MCCC2: variants seen among roughly 807,000 people sequenced by gnomAD.
MCCC2 encodes methylcrotonoyl-CoA carboxylase beta chain, mitochondrial.
In MCCC2, 52 loss-of-function variants were observed where a neutral mutation model predicts 77.2. The ratio of observed to expected loss-of-function variants is 0.67; its 90% CI spans 0.54 to 0.85. The LOEUF (loss-of-function observed/expected upper bound fraction) is 0.85, where lower values mean the gene tolerates loss of function less well. Ranked by LOEUF, MCCC2 falls within the 40% of genes least tolerant of loss-of-function variation. MCCC2 has a pLI of 0.00. For synonymous variants in MCCC2, 253 were observed against 248.4 expected, an observed-to-expected ratio of 1.02 and a Z score of -0.18; for missense variants, 682 against 703.2, an observed-to-expected ratio of 0.97 and a Z score of 0.34.
intron 7 of MCCC2, among the ~76,000 whole-genome samples, chr5:71,629,146 G>A (rs957690219): frequency 1.3e-5 from 2 of 151,806 alleles, no homozygotes; most frequent in Non-Finnish European, 2.9e-5. Flanking sequence ...GGAGGTTGCA[G>A]TGGGTTGAGA....
At chr5:71,593,956 G>A (rs1030235993) in intron 2 of MCCC2, among the ~76,000 whole-genome samples, 1 of 152,148 alleles carries the variant, frequency 6.6e-6, no homozygotes, top group African/African-American at 2.4e-5. Context: ...TTTAGAGACA[G>A]GGTCTCCTCA....
At chr5:71,602,710 C>T in intron 5 of MCCC2, 77 bp downstream of exon 5, 1 of 1,589,330 alleles carries the variant, frequency 6.3e-7, no homozygotes, top group Non-Finnish European at 8.6e-7. Flanking sequence ...GTATGTATTA[C>T]ATTTGGGATG....
At position 71,632,182 on chromosome 5, in the gene MCCC2, G is replaced by A; in HGVS notation, c.800G>A (p.Cys267Tyr). 1 of 1,613,988 alleles carries A rather than the reference G, an allele frequency of 6.2e-7. No homozygotes were observed. Among genetic ancestry groups the A allele is most frequent in the Non-Finnish European group, 8.5e-7 (1 of 1,179,878 alleles). ...GATCTTGGAGGTGCTGATCTTCATT[G>A]CAGGTGAAACAGAAATGGTTGTTTC... ...AEDLGGADLH[C>Y]RKSGVSDHWA... Residue 267 changes from cysteine (C) to tyrosine (Y), a missense_variant, in exon 8 of 17, where the codon TGC (cysteine) becomes TAC (tyrosine). By Grantham distance (194) the Cys-to-Tyr change is radical. Transcript: ENST00000340941.
chr5:71,596,480 T>C (rs1233296827), intron 3 of MCCC2, 116 bp downstream of exon 3: 3 of 951,436 alleles, frequency 3.2e-6, no homozygotes, highest in Non-Finnish European at 5.1e-6. Context: ...TTCAGGAACA[T>C]GTGTTTATTG....
rs561799337 is a variant in MCCC2 at position 71,642,481 on chromosome 5, C to T, written c.1073-1338C>T. 2.0e-5 allele frequency among the ~76,000 whole-genome samples: 3 copies of T among 152,340 alleles called. No individual in the cohort carries two copies. In the East Asian group the frequency reaches 5.8e-4, roughly 29 times the overall value. On this transcript the variant is annotated intron_variant, in intron 11 of 16. Transcript: ENST00000340941. ...TGATCAGGCAGTTGGTGAAGACCGT[C>T]CCTCTATGGGTGTCCCTAGTAGTGT...
At chr5:71,609,000 A>G (rs1276374713) in intron 6 of MCCC2, among the ~76,000 whole-genome samples, 2 of 151,536 alleles carry the variant, frequency 1.3e-5, no homozygotes, top group African/African-American at 4.8e-5. Flanking sequence ...TGCCCTTAAC[A>G]TTTTTTCCTT....
At chr5:71,625,443 T>C (rs1746503405) in intron 6 of MCCC2, among the ~76,000 whole-genome samples, 1 of 152,250 alleles carries the variant, frequency 6.6e-6, no homozygotes, top group Admixed American at 6.5e-5. Flanking sequence ...CATTTTGTTA[T>C]CTTTGCCACA....
Position 71,632,144 on chromosome 5 carries a change from A to C in MCCC2, c.762A>C (p.Glu254Asp). Residue 254 changes from glutamate (E) to aspartate (D), a missense_variant, in exon 8 of 17, where the codon GAA becomes GAC. Physicochemically the swap from Glu to Asp is conservative, Grantham distance 45 (BLOSUM62 2). Coordinates refer to ENST00000340941, the MANE Select transcript of MCCC2 (RefSeq NM_022132.5). ...AGGTTAAAGCGGCAACTGGGGAAGA[A>C]GTATCTGCTGAGGATCTTGGAGGTG... ...PPLVKAATGEEVSAEDLGGAD... is the reference protein window; with the variant it reads ...PPLVKAATGEDVSAEDLGGAD... 1 of 1,614,216 alleles carries C rather than the reference A, an allele frequency of 6.2e-7. No homozygotes were observed. Among genetic ancestry groups the C allele is most frequent in the Admixed American group, 1.7e-5 (1 of 60,026 alleles).
chr5:71,638,543 C>T (rs145908644), intron 10 of MCCC2, among the ~76,000 whole-genome samples: 226 of 151,938 alleles, frequency 1.5e-3, no homozygotes, highest in African/African-American at 5.0e-3. Context: ...TTTTTTGAGA[C>T]GGAGTCTCGC....
In MCCC2 at chr5:71,621,914, C is replaced by T. The variant is rs72759487; in HGVS notation, c.625-4726C>T. Among the ~76,000 whole-genome samples the T allele has an allele frequency of 3.5e-3, 527 of 152,226 alleles. 1 individual carries two copies. The highest frequency in any genetic ancestry group is 6.1e-3 in the Non-Finnish European group (416 of 67,996). Reference sequence around the variant, plus strand: ...AAGTATGTAATTGGATTGTTTACAACTCAATGGATAAATGCTTGAGGGGAT... The same window carrying T: ...AAGTATGTAATTGGATTGTTTACAATTCAATGGATAAATGCTTGAGGGGAT... On this transcript the variant is annotated intron_variant, in intron 6 of 16. Transcript: ENST00000340941.
At chr5:71,639,559 A>T (rs1322679866) in intron 10 of MCCC2, among the ~76,000 whole-genome samples, 1 of 152,170 alleles carries the variant, frequency 6.6e-6, no homozygotes, top group African/African-American at 2.4e-5. Flanking sequence ...AGACTACTCA[A>T]ACCTTCTCCA....
intron 16 of MCCC2, among the ~76,000 whole-genome samples, 179 bp from the exon 17 acceptor site, chr5:71,656,564 C>A (rs1329095194): frequency 6.6e-6 from 1 of 152,144 alleles, no homozygotes; most frequent in Admixed American, 6.5e-5. Flanking sequence ...TCATTTTTTT[C>A]CACGTTTTCC....
At chr5:71,638,643 C>T (rs1302517349) in intron 10 of MCCC2, among the ~76,000 whole-genome samples, 1 of 152,142 alleles carries the variant, frequency 6.6e-6, no homozygotes, top group Non-Finnish European at 1.5e-5. Context: ...GCCTCAGCCT[C>T]CCAAGTAGCT....
chr5:71,656,905 C>T lies in MCCC2; in HGVS notation c.*45C>T. On this transcript the variant is annotated 3_prime_UTR_variant, in exon 17 of 17. Transcript: ENST00000340941. ...CTGTTGGACATGTACTGAAAATTAA[C>T]ACATGTAGTAGCCTTAAAATTTTAG... 7.0e-7 allele frequency: 1 copy of T among 1,438,172 alleles called. No individual in the cohort carries two copies. The highest frequency in any genetic ancestry group is 9.8e-7 in the Non-Finnish European group (1 of 1,020,144). The allele number at this position is 1,438,172 out of a possible 1,614,324, so 89.1% of individuals were successfully genotyped here.
intron 10 of MCCC2, 178 bp downstream of exon 10, chr5:71,635,424 A>AT: frequency 1.4e-6 from 1 of 706,194 alleles, no homozygotes; most frequent in South Asian, 1.5e-5. Context: ...TCATTGGCAC[A>AT]GAGTAAATAC....
In MCCC2 at chr5:71,588,632, G is replaced by A. The variant is rs564298805; in HGVS notation, c.129+1078G>A. On this transcript the variant is annotated intron_variant, in intron 1 of 16. Transcript: ENST00000340941. The stretch of plus-strand genomic sequence containing the variant: ...ACTGTGGTACAGTGTAAGAAGGGTT[G>A]TCTAAAGCTTGAGAAGGTGGTTACA... Among the ~76,000 whole-genome samples, 4 of 152,314 alleles carry A rather than the reference G, an allele frequency of 2.6e-5. No homozygotes were observed. The South Asian group carries it at 6.2e-4, about 24-fold the overall frequency.
At chr5:71,605,420 G>C (rs1179023863) in intron 6 of MCCC2, among the ~76,000 whole-genome samples, 1 of 152,044 alleles carries the variant, frequency 6.6e-6, no homozygotes, top group Non-Finnish European at 1.5e-5. Flanking sequence ...CCCACTTTTT[G>C]ATGGGGTTGT....
At chr5:71,627,115 A>G (rs1746554861) in intron 7 of MCCC2, among the ~76,000 whole-genome samples, 1 of 152,224 alleles carries the variant, frequency 6.6e-6, no homozygotes, top group African/African-American at 2.4e-5. Flanking sequence ...TGATAGACGT[A>G]TTTCACTTAG....
In MCCC2 at chr5:71,657,052, G is replaced by C. The variant is rs1449644742; in HGVS notation, c.*192G>C. On this transcript the variant is annotated 3_prime_UTR_variant, in exon 17 of 17. Transcript: ENST00000340941. ...CATCAATTCCTTTTAAATTTTCTTA[G>C]AGAAATTTCTCTGTGGCTCAGTTTT... is the stretch of plus-strand genomic sequence containing the variant. The C allele has an allele frequency of 3.8e-6, 2 of 530,076 alleles. No homozygotes were observed. The highest frequency in any genetic ancestry group is 6.8e-6 in the Non-Finnish European group (2 of 295,118). 32.8% of individuals were successfully genotyped at this position (530,076 alleles called of 1,614,324 possible). A position where few individuals can be genotyped will look rare whatever the true frequency, so the allele number is the denominator to read the frequency against.
Sources: gnomAD v4.1 joint callset for allele counts (sites outside exome capture counted in the v4.1 genomes callset) on GRCh38, gnomAD v4.1.1 for gene constraint, MANE v1.5 for transcripts, NCBI Gene and HGNC (gene_info 2026-07-23, HGNC 2026-07-21) for gene names.